Variants in ARSG observed in about 807,000 individuals in gnomAD.
The protein encoded by ARSG is arylsulfatase G.
In ARSG, 37 loss-of-function variants were observed where a neutral mutation model predicts 50.5. That is an observed-to-expected ratio of 0.73 (90% CI 0.56 to 0.96). The LOEUF (loss-of-function observed/expected upper bound fraction) is 0.96, where lower values mean the gene tolerates loss of function less well. Among genes scored for constraint, ARSG ranks in the 50% least tolerant of loss-of-function variants. The probability of loss-of-function intolerance (pLI) is 0.00; values close to 1 mark genes in which losing one functional copy is unlikely to be tolerated. For synonymous variants in ARSG, 225 were observed against 254.6 expected (o/e 0.88, Z 1.11); for missense variants, 629 against 675.3 (o/e 0.93, Z 0.76).
chr17:68,379,793 C>T (rs1779995516), intron 8 of ARSG: 3 of 984,636 alleles, frequency 3.0e-6, no homozygotes, highest in Non-Finnish European at 3.6e-6. Flanking sequence ...AAACACTAGG[C>T]ATGCCCAACC....
rs750061717 is a variant in ARSG at position 68,385,159 on chromosome 17, A to G, written c.1078A>G (p.Thr360Ala). 33 of 1,613,734 alleles carry G rather than the reference A, an allele frequency of 2.0e-5. No homozygotes were observed. The highest frequency in any genetic ancestry group is 1.7e-6 in the Non-Finnish European group (2 of 1,179,838). Residue 360 changes from threonine (T) to alanine (A), a missense_variant, in exon 9 of 12, where the codon ACT becomes GCT. Physicochemically the swap from Thr to Ala is moderately conservative, Grantham distance 58. Coordinates refer to ENST00000621439, the MANE Select transcript of ARSG (RefSeq NM_001267727.2). ...PGRVPVNVTS[T>A]ALLSVLDIFP... ...CAGAGTTCCAGTTAATGTCACCAGC[A>G]CTGCCTTGTTAAGGTATGAGACCAA...
At chr17:68,321,268 G>C (rs2077272403) in intron 2 of ARSG, among the ~76,000 whole-genome samples, 1 of 152,154 alleles carries the variant, frequency 6.6e-6, no homozygotes, top group Non-Finnish European at 1.5e-5. Flanking sequence ...TTCACTATTT[G>C]CTGCCACATT....
Position 68,307,464 on chromosome 17 carries a change from C to A in ARSG, c.-30C>A. 1 of 1,582,646 alleles carries A rather than the reference C, an allele frequency of 6.3e-7. No homozygotes were observed. ...ATCTCTAGTGGTGGCTGCCGTCGCT[C>A]CAGACAATCGGAATCCTGCCTTCAC... is the stretch of plus-strand genomic sequence containing the variant. On this transcript the variant is annotated 5_prime_UTR_variant, in exon 2 of 12. Coordinates refer to ENST00000621439, the MANE Select transcript of ARSG (RefSeq NM_001267727.2).
the ARSG span, chr17:68,429,001 G>T: frequency 2.4e-6 from 3 of 1,248,752 alleles, no homozygotes; most frequent in South Asian, 2.5e-5. Context: ...CGCTTCCAAT[G>T]ACAAAGCCCC....
In ARSG at chr17:68,356,845, C is replaced by T. The variant is rs375834366; in HGVS notation, c.704+41C>T. ...CCCTCCGCAGGGCCTCCCCCTGCCT[C>T]CACCTACCCGTGCACACACACCATG... is the stretch of plus-strand genomic sequence containing the variant. On this transcript the variant is annotated intron_variant, in intron 6 of 11. Transcript: ENST00000621439. The T allele has an allele frequency of 2.4e-5, 38 of 1,612,198 alleles. No individual in the cohort carries two copies. The African/African-American group carries it at 4.4e-4, about 19-fold the overall frequency.
chr17:68,341,444 G>A (rs547157729), intron 2 of ARSG, among the ~76,000 whole-genome samples: 1 of 152,220 alleles, frequency 6.6e-6, no homozygotes, highest in African/African-American at 2.4e-5. Flanking sequence ...ATTAGCTTCT[G>A]GTGTATCCTT....
chr17:68,335,693 A>T (rs1386713594), intron 2 of ARSG, among the ~76,000 whole-genome samples: 2 of 152,168 alleles, frequency 1.3e-5, no homozygotes, highest in African/African-American at 4.8e-5. Flanking sequence ...AGGTGCTAAC[A>T]TTGGAACATT....
downstream of ARSG, chr17:68,421,670 C>T (rs1600223328): frequency 1.3e-6 from 2 of 1,527,546 alleles, no homozygotes; most frequent in East Asian, 2.3e-5. Context: ...GATTCCTGCC[C>T]CCCTTTCTGC....
chr17:68,281,637 C>G (rs1346266529), intron 1 of ARSG, among the ~76,000 whole-genome samples: 7 of 152,140 alleles, frequency 4.6e-5, no homozygotes, highest in African/African-American at 1.7e-4. Flanking sequence ...AAAAGACATA[C>G]ATATGGCCAA....
chr17:68,403,975 T>C (rs2081594280), intron 11 of ARSG, among the ~76,000 whole-genome samples: 1 of 152,186 alleles, frequency 6.6e-6, no homozygotes, highest in African/African-American at 2.4e-5. Context: ...TTTTTGTTCT[T>C]GTGATAGTTT....
At chr17:68,397,133 C>A (rs746393678) in intron 10 of ARSG, among the ~76,000 whole-genome samples, 4 of 152,200 alleles carry the variant, frequency 2.6e-5, no homozygotes, top group Non-Finnish European at 5.9e-5. Context: ...CTTGCTCTAA[C>A]TGGAGTTTTG....
At chr17:68,302,570 G>A (rs1285409301) in intron 1 of ARSG, among the ~76,000 whole-genome samples, 1 of 152,088 alleles carries the variant, frequency 6.6e-6, no homozygotes, top group Non-Finnish European at 1.5e-5. Flanking sequence ...GCTTCTCAGT[G>A]CTTCTGGCCC....
At chr17:68,337,566 A>G (rs1568485436) in intron 2 of ARSG, among the ~76,000 whole-genome samples, 1 of 151,970 alleles carries the variant, frequency 6.6e-6, no homozygotes, top group Non-Finnish European at 1.5e-5. Context: ...ATGACCCTGA[A>G]CAGGCACCTG....
chr17:68,269,315 G>A, intron 1 of ARSG: 1 of 1,247,920 alleles, frequency 8.0e-7, no homozygotes, highest in Non-Finnish European at 1.1e-6. Flanking sequence ...AGAAGGCCCT[G>A]CTGTAGATCT....
chr17:68,369,814 G>C (rs905287670), intron 7 of ARSG, among the ~76,000 whole-genome samples: 1 of 152,116 alleles, frequency 6.6e-6, no homozygotes, highest in Non-Finnish European at 1.5e-5. Flanking sequence ...GATGACGGTG[G>C]CAATGAGATT....
chr17:68,418,219 G>C lies in ARSG; in HGVS notation c.1304-1970G>C, dbSNP rs149701939. The stretch of plus-strand genomic sequence containing the variant: ...CTGTTACCTGAGAGTGTTGATTTTT[G>C]TTTTCACTGGCAGCTAATCAGTAGT... On this transcript the variant is annotated intron_variant, in intron 11 of 11. Transcript: ENST00000621439. Among the ~76,000 whole-genome samples the C allele has an allele frequency of 6.5e-3, 983 of 152,182 alleles. 12 individuals are homozygous for C. The highest frequency in any genetic ancestry group is 0.023 in the African/African-American group (945 of 41,540).
At chr17:68,373,316 G>A (rs1017329008) in intron 8 of ARSG, among the ~76,000 whole-genome samples, 6 of 150,792 alleles carry the variant, frequency 4.0e-5, no homozygotes, top group African/African-American at 1.5e-4. Context: ...TGCAACCTCC[G>A]CCTCCTGGGT....
intron 10 of ARSG, among the ~76,000 whole-genome samples, chr17:68,397,946 TAGTAG>T (rs2081315645): frequency 6.6e-6 from 1 of 152,136 alleles, no homozygotes; most frequent in Non-Finnish European, 1.5e-5. Flanking sequence ...TTTGTATTTT[TAGTAG>T]AGACAGGGTT....
intron 6 of ARSG, among the ~76,000 whole-genome samples, chr17:68,365,815 T>C (rs1024545783): frequency 3.9e-5 from 6 of 152,202 alleles, no homozygotes; most frequent in African/African-American, 1.4e-4. Flanking sequence ...TTGTGTGTTA[T>C]TTCCACCACA....
Sources: gnomAD v4.1 joint callset for allele counts (sites outside exome capture counted in the v4.1 genomes callset) on GRCh38, gnomAD v4.1.1 for gene constraint, MANE v1.5 for transcripts, NCBI Gene and HGNC (gene_info 2026-07-23, HGNC 2026-07-21) for gene names.